The following RNF123 variants were observed in gnomAD, a reference collection of about 807,000 sequenced individuals.
RNF123 encodes E3 ubiquitin-protein ligase RNF123.
RNF123 carries 86 observed loss-of-function variants against 168.5 expected under a neutral mutation model. That is an observed-to-expected ratio of 0.51 (90% CI 0.43 to 0.61). RNF123 has a LOEUF of 0.61. Among genes scored for constraint, RNF123 ranks in the 20% least tolerant of loss-of-function variants. RNF123 has a pLI of 0.00. For synonymous variants in RNF123, 666 were observed against 689.1 expected, an observed-to-expected ratio of 0.97 and a Z score of 0.52; for missense variants, 1,419 against 1,729.7, an observed-to-expected ratio of 0.82 and a Z score of 3.19.
intron 35 of RNF123, chr3:49,718,756 C>T (rs2080312032): frequency 1.2e-6 from 2 of 1,613,212 alleles, no homozygotes; most frequent in Non-Finnish European, 8.5e-7. Context: ...GCTCAGGCCC[C>T]GCTGGTGCCA....
At chr3:49,695,052 A>G (rs1355544939) in intron 3 of RNF123, among the ~76,000 whole-genome samples, 1 of 152,246 alleles carries the variant, frequency 6.6e-6, no homozygotes, top group Non-Finnish European at 1.5e-5. Context: ...AGATATGTGC[A>G]GTCTGCTCTC....
rs1254981596 is a variant in RNF123 at position 49,721,302 on chromosome 3, C to G, written c.3942C>G (p.Ala1314=). The G allele has an allele frequency of 1.2e-6, 2 of 1,614,186 alleles. No individual in the cohort carries two copies. Among genetic ancestry groups the G allele is most frequent in the South Asian group, 1.1e-5 (1 of 91,082 alleles). The stretch of plus-strand genomic sequence containing the variant: ...ATACGAGTACTACCTCCTCAGCTGC[C>G]TAGCCCTCACAGCCTGTGCCATCCT... ...GANTSTTSSA[A] Residue 1314 remains alanine, a synonymous_variant, in exon 39 of 39, where the codon GCC becomes GCG. Transcript: ENST00000327697.
Position 49,703,460 on chromosome 3 carries a change from G to C in RNF123, c.1784G>C (p.Gly595Ala), listed in dbSNP as rs1258809169. 1 of 1,614,122 alleles carries C rather than the reference G, an allele frequency of 6.2e-7. No individual in the cohort carries two copies. Among genetic ancestry groups the C allele is most frequent in the East Asian group, 2.2e-5 (1 of 44,880 alleles). Residue 595 changes from glycine to alanine, a missense_variant, in exon 21 of 39, where the codon GGC becomes GCC. By Grantham distance (60) the Gly-to-Ala change is moderately conservative. Around this residue, in one of 5 missense-constraint regions of RNF123, gnomAD observed 349 missense variants for 344.9 expected, o/e 1.01. Transcript: ENST00000327697. Reference sequence around the variant, plus strand: ...ATCCCGCCCCAGGTCTTCTATAATGGCAAGGTGGACTACTTTGACCTGCAG... The same window carrying C: ...ATCCCGCCCCAGGTCTTCTATAATGCCAAGGTGGACTACTTTGACCTGCAG... Reference protein sequence around the residue: ...AYIPPQVFYNGKVDYFDLQRL... With the variant: ...AYIPPQVFYNAKVDYFDLQRL...
At chr3:49,692,716 A>G (rs1464386014) in intron 3 of RNF123, among the ~76,000 whole-genome samples, 1 of 152,254 alleles carries the variant, frequency 6.6e-6, no homozygotes, top group African/African-American at 2.4e-5. Flanking sequence ...ATAAGTGATA[A>G]CATGCAATGT....
chr3:49,712,401 T>A, intron 26 of RNF123, 78 bp from the exon 27 acceptor site: 1 of 1,474,884 alleles, frequency 6.8e-7, no homozygotes, highest in Non-Finnish European at 9.3e-7. Flanking sequence ...GGGAGGCCTT[T>A]CCTGATCCCC....
chr3:49,715,160 A>G (rs1187542093), intron 31 of RNF123, among the ~76,000 whole-genome samples: 1 of 152,258 alleles, frequency 6.6e-6, no homozygotes, highest in African/African-American at 2.4e-5. Flanking sequence ...AGTAGAGGAC[A>G]GCAGGTTTGC....
At chr3:49,719,161 C>A in intron 35 of RNF123, 1 of 1,613,542 alleles carries the variant, frequency 6.2e-7, no homozygotes, top group Non-Finnish European at 8.5e-7. Context: ...GAAGACGCCG[C>A]GACCCAGCGC....
intron 31 of RNF123, 128 bp downstream of exon 31, chr3:49,714,302 C>T: frequency 1.2e-6 from 1 of 800,952 alleles, no homozygotes; most frequent in East Asian, 2.6e-5. Context: ...CCCAGACTCC[C>T]TACGTGTCCC....
At chr3:49,708,747 GAAT>G (rs1357910324) in intron 26 of RNF123, among the ~76,000 whole-genome samples, 1 of 152,198 alleles carries the variant, frequency 6.6e-6, no homozygotes, top group African/African-American at 2.4e-5. Flanking sequence ...TTTCCAGGCT[GAAT>G]AATATTCTGT....
At chr3:49,702,284 TG>T (rs2054418490) in intron 18 of RNF123, 49 bp from the exon 19 acceptor site, 1 of 1,604,938 alleles carries the variant, frequency 6.2e-7, no homozygotes, top group Non-Finnish European at 8.5e-7. Flanking sequence ...CAGCCCAGTC[TG>T]GGCCTGCATT....
rs150374322 is a variant in RNF123 at position 49,716,909 on chromosome 3, G to A, written c.3500+432G>A. On this transcript the variant is annotated intron_variant, in intron 35 of 38. Coordinates refer to ENST00000327697, the MANE Select transcript of RNF123 (RefSeq NM_022064.5). ...AGCGAGGTCCAGGATGGCCATGGGG[G>A]CCCCCAGCTCGGCCCCCACACATGA... 795 of 162,682 alleles carry A rather than the reference G, an allele frequency of 4.9e-3. 12 individuals carry two copies. Among genetic ancestry groups the A allele is most frequent in the African/African-American group, 0.018 (755 of 41,772 alleles). 10.1% of individuals were successfully genotyped at this position (162,682 alleles called of 1,614,324 possible).
intron 34 of RNF123, 95 bp from the exon 35 acceptor site, chr3:49,716,298 G>A (rs1312341439): frequency 1.2e-5 from 18 of 1,546,032 alleles, no homozygotes; most frequent in South Asian, 3.4e-5. Context: ...CTGCAGTCTC[G>A]GCTCACCCTT....
intron 37 of RNF123, 44 bp downstream of exon 37, chr3:49,720,938 T>C: frequency 6.2e-7 from 1 of 1,611,202 alleles, no homozygotes. Context: ...CTTGAATATG[T>C]GTGCACTCCT....
chr3:49,710,732 T>C (rs1400131728), intron 26 of RNF123, among the ~76,000 whole-genome samples: 1 of 152,242 alleles, frequency 6.6e-6, no homozygotes, highest in East Asian at 1.9e-4. Flanking sequence ...TTCTTTTTCA[T>C]GCTTAGTTGC....
chr3:49,721,441 A>C lies in RNF123; in HGVS notation c.*136A>C. The stretch of plus-strand genomic sequence containing the variant: ...AACCTCCTTGCCTGCCTGTATCCTC[A>C]TTGGTGGGAGCCCAGCCATGGCCCT... On this transcript the variant is annotated 3_prime_UTR_variant, in exon 39 of 39. Coordinates refer to ENST00000327697, the MANE Select transcript of RNF123 (RefSeq NM_022064.5). 2 of 1,211,584 alleles carry C rather than the reference A, an allele frequency of 1.7e-6. No individual in the cohort carries two copies. The highest frequency in any genetic ancestry group is 2.4e-6 in the Non-Finnish European group (2 of 816,424). 75.1% of individuals were successfully genotyped at this position (1,211,584 alleles called of 1,614,324 possible).
At chr3:49,698,589 A>G (rs977987985) in intron 8 of RNF123, 63 bp downstream of exon 8, 1 of 1,586,750 alleles carries the variant, frequency 6.3e-7, no homozygotes, top group African/African-American at 1.3e-5. Context: ...ATTTGGAGCC[A>G]CTGGGCAGCC....
At chr3:49,718,859 G>T (rs1283325975) in intron 35 of RNF123, 2 of 1,613,432 alleles carry the variant, frequency 1.2e-6, no homozygotes, top group Non-Finnish European at 1.7e-6. Flanking sequence ...AGCGCGGCCA[G>T]CTCAGGTACG....
rs1485669740 is a variant in RNF123, at chr3:49,700,714, C to T, written c.1277+5C>T. ...GTTTCTGCTTAGCAATGTCCTGTATCCTTTCCTTGCTGCCTGGCAGGCCAG... is the reference window on the plus strand; with the variant it reads ...GTTTCTGCTTAGCAATGTCCTGTATTCTTTCCTTGCTGCCTGGCAGGCCAG... On this transcript the variant is annotated splice_donor_5th_base_variant and intron_variant, in intron 15 of 38. Coordinates refer to ENST00000327697, the MANE Select transcript of RNF123 (RefSeq NM_022064.5). The T allele has an allele frequency of 6.2e-7, 1 of 1,614,120 alleles. No individual in the cohort carries two copies. The highest frequency in any genetic ancestry group is 1.3e-5 in the African/African-American group (1 of 75,056).
chr3:49,693,545 TGG>T (rs998562248), intron 3 of RNF123, among the ~76,000 whole-genome samples: 2 of 151,530 alleles, frequency 1.3e-5, no homozygotes, highest in Admixed American at 6.6e-5. Context: ...TTAGTAGAGA[TGG>T]GGTTTCGCCA....
Sources: allele counts gnomAD v4.1 joint callset (sites outside exome capture counted in the v4.1 genomes callset), GRCh38; gene constraint gnomAD v4.1.1; regional missense constraint gnomAD v4.1.1; transcripts MANE v1.5; gene names NCBI Gene and HGNC (gene_info 2026-07-23, HGNC 2026-07-21).